The following NRG1 variants were observed in gnomAD, a reference collection of about 807,000 sequenced individuals.
NRG1 encodes the protein pro-neuregulin-1, membrane-bound isoform.
Under a neutral mutation model 63.8 loss-of-function variants are expected in NRG1, and 18 were observed. The observed-to-expected ratio is 0.28, with a 90% confidence interval of 0.19 to 0.42. NRG1 has a LOEUF of 0.42. NRG1 is among the 10% of genes least tolerant of loss of function. The pLI is 1.00. For synonymous variants in NRG1, 302 were observed against 301.3 expected, an observed-to-expected ratio of 1.00 and a Z score of -0.02; for missense variants, 762 against 814.7, an observed-to-expected ratio of 0.94 and a Z score of 0.79.
At chr8:31,929,645 A>G (rs1208580471) in intron 1 of NRG1, among the ~76,000 whole-genome samples, 2 of 152,166 alleles carry the variant, frequency 1.3e-5, no homozygotes, top group African/African-American at 4.8e-5. Context: ...ATAACATTCT[A>G]TGCTGAAAAT....
intron 1 of NRG1, among the ~76,000 whole-genome samples, chr8:32,479,811 A>G (rs1250389079): frequency 6.6e-6 from 1 of 151,900 alleles, no homozygotes; most frequent in Non-Finnish European, 1.5e-5. Flanking sequence ...CACCATGCCC[A>G]GCTAATTTTT....
At chr8:32,757,850 C>T (rs1450350730) in intron 9 of NRG1, among the ~76,000 whole-genome samples, 2 of 152,172 alleles carry the variant, frequency 1.3e-5, no homozygotes, top group African/African-American at 4.8e-5. Context: ...AGTCTAGTGG[C>T]ATTTAGTGAG....
intron 5 of NRG1, among the ~76,000 whole-genome samples, chr8:32,617,573 A>G (rs1588721682): frequency 6.6e-6 from 1 of 152,234 alleles, no homozygotes; most frequent in East Asian, 1.9e-4. Flanking sequence ...TGAGAATATC[A>G]TCGTATTAAA....
intron 1 of NRG1, among the ~76,000 whole-genome samples, chr8:32,117,479 A>G (rs1300833108): frequency 6.6e-6 from 1 of 151,960 alleles, no homozygotes; most frequent in African/African-American, 2.4e-5. Flanking sequence ...AATGCCCCCC[A>G]TTAACATAAG....
intron 1 of NRG1, among the ~76,000 whole-genome samples, chr8:32,170,241 C>A (rs1305995836): frequency 1.3e-5 from 2 of 152,194 alleles, no homozygotes; most frequent in African/African-American, 2.4e-5. Context: ...ATTTGATACA[C>A]CTTCCTAGAC....
intron 1 of NRG1, among the ~76,000 whole-genome samples, chr8:32,004,426 T>C (rs1288312314): frequency 6.7e-6 from 1 of 148,944 alleles, no homozygotes; most frequent in Non-Finnish European, 1.5e-5. Context: ...AATGTATCAG[T>C]GTTGGTTCAG....
chr8:31,870,879 A>G (rs1214512041), intron 1 of NRG1, among the ~76,000 whole-genome samples: 2 of 152,228 alleles, frequency 1.3e-5, no homozygotes, highest in African/African-American at 4.8e-5. Flanking sequence ...AGGATTTCAA[A>G]ATCAAACTCA....
chr8:32,188,817 G>A (rs550694631), intron 1 of NRG1, among the ~76,000 whole-genome samples: 2 of 151,866 alleles, frequency 1.3e-5, no homozygotes, highest in African/African-American at 4.8e-5. Context: ...GTTGTGGGGT[G>A]GGGGGAGGAG....
chr8:32,743,591 T>TATATATATATATATATATATATATAAA (rs1564087671), intron 7 of NRG1, among the ~76,000 whole-genome samples: 17 of 145,722 alleles, frequency 1.2e-4, no homozygotes, highest in African/African-American at 3.7e-4. Context: ...TATATATATA[T>TATATATATATATATATATATATATAAA]ATATAAAACT....
chr8:31,943,960 T>C (rs191700335), intron 1 of NRG1, among the ~76,000 whole-genome samples: 10 of 152,338 alleles, frequency 6.6e-5, no homozygotes, highest in East Asian at 1.9e-4. Flanking sequence ...AAGATATTCT[T>C]ATGACTATTA....
chr8:32,654,722 A>G (rs1855918405), intron 5 of NRG1, among the ~76,000 whole-genome samples: 1 of 105,696 alleles, frequency 9.5e-6, no homozygotes, highest in Admixed American at 1.0e-4. Context: ...AATATATGAG[A>G]AAATGTTTTA....
intron 1 of NRG1, among the ~76,000 whole-genome samples, chr8:32,551,787 C>T (rs927573325): frequency 4.6e-5 from 7 of 152,106 alleles, no homozygotes; most frequent in Non-Finnish European, 1.0e-4. Flanking sequence ...ATCACTGATC[C>T]ACGTACCAAG....
intron 1 of NRG1, among the ~76,000 whole-genome samples, chr8:31,762,534 G>T (rs1230085817): frequency 1.3e-5 from 2 of 152,186 alleles, no homozygotes; most frequent in Non-Finnish European, 2.9e-5. Flanking sequence ...ATAGTAGAAT[G>T]ATTTATATGC....
chr8:32,370,857 CAAAAAAAAAAA>C (rs570354347), intron 1 of NRG1, among the ~76,000 whole-genome samples: 7,378 of 52,182 alleles, frequency 0.14, 293 homozygotes, highest in Middle Eastern at 0.31. Context: ...GACTCTGTCT[CAAAAAAAAAAA>C]AAAAAAAAAA....
At chr8:31,709,169 A>G (rs904815746) in intron 1 of NRG1, among the ~76,000 whole-genome samples, 13 of 147,470 alleles carry the variant, frequency 8.8e-5, no homozygotes, top group Admixed American at 3.4e-4. Flanking sequence ...GTGATTTTTT[A>G]TTTAATCAAA....
At chr8:32,225,143 C>T (rs894063410) in intron 1 of NRG1, among the ~76,000 whole-genome samples, 1 of 152,134 alleles carries the variant, frequency 6.6e-6, no homozygotes, top group African/African-American at 2.4e-5. Context: ...TGACATCAAC[C>T]ACGAAGTCTT....
intron 1 of NRG1, among the ~76,000 whole-genome samples, chr8:31,801,784 C>G (rs1821817513): frequency 6.6e-6 from 1 of 152,168 alleles, no homozygotes; most frequent in South Asian, 2.1e-4. Flanking sequence ...TTTCATATTG[C>G]TCAATATCAG....
At chr8:32,168,774 C>T (rs1369279485) in intron 1 of NRG1, among the ~76,000 whole-genome samples, 1 of 152,128 alleles carries the variant, frequency 6.6e-6, no homozygotes, top group Non-Finnish European at 1.5e-5. Context: ...ATCAACAAGG[C>T]CTTTGTTGAC....
chr8:32,206,359 A>G (rs926013595), intron 1 of NRG1, among the ~76,000 whole-genome samples: 3 of 152,156 alleles, frequency 2.0e-5, no homozygotes, highest in African/African-American at 7.2e-5. Context: ...ACTAAATCAG[A>G]TATAACTAGA....
Sources: allele counts gnomAD v4.1 joint callset (sites outside exome capture counted in the v4.1 genomes callset), GRCh38; gene constraint gnomAD v4.1.1; transcripts MANE v1.5; gene names NCBI Gene and HGNC (gene_info 2026-07-23, HGNC 2026-07-21).